Variants in ZFPM2 observed in about 807,000 individuals in gnomAD.
ZFPM2 encodes zinc finger protein ZFPM2.
A neutral mutation model predicts 98.6 loss-of-function variants in ZFPM2; 20 were observed. The ratio of observed to expected loss-of-function variants is 0.20; its 90% confidence interval spans 0.14 to 0.29. The LOEUF (loss-of-function observed/expected upper bound fraction) is 0.29. Among genes scored for constraint, ZFPM2 ranks in the 10% least tolerant of loss-of-function variants. The pLI, the probability that ZFPM2 is intolerant of heterozygous loss-of-function variation, is 1.00. For synonymous variants in ZFPM2, 518 were observed against 502.7 expected, an observed-to-expected ratio of 1.03 and a Z score of -0.41; for missense variants, 1,310 against 1,388.6, an observed-to-expected ratio of 0.94 and a Z score of 0.90.
chr8:105,419,001 A>T, intron 1 of ZFPM2, 143 bp from the exon 2 acceptor site: 1 of 686,852 alleles, frequency 1.5e-6, no homozygotes, highest in Non-Finnish European at 2.4e-6. Context: ...ATGTGGCATT[A>T]TCTTTTGTGA....
chr8:105,555,410 G>A (rs1814963549), intron 3 of ZFPM2, among the ~76,000 whole-genome samples: 1 of 152,044 alleles, frequency 6.6e-6, no homozygotes, highest in African/African-American at 2.4e-5. Context: ...TGAAATGGAT[G>A]CTTGTTGTAA....
rs908430101 is a variant in ZFPM2, at chr8:105,802,985, A to G, written c.2903A>G (p.Tyr968Cys). Residue 968 changes from tyrosine to cysteine, a missense_variant, in exon 8 of 8, where the codon TAC becomes TGC. Transcript: ENST00000407775. Reference protein sequence around the residue: ...NRHLFLPQCLYPGAIKKAKGA... With the variant: ...NRHLFLPQCLCPGAIKKAKGA... ...CATTTGTTTCTTCCACAATGCCTTT[A>G]CCCTGGAGCAATAAAGAAAGCAAAA... 7.4e-6 allele frequency: 12 copies of G among 1,612,702 alleles called. No individual in the cohort carries two copies. The highest frequency in any genetic ancestry group is 9.3e-6 in the Non-Finnish European group (11 of 1,179,372).
intron 6 of ZFPM2, among the ~76,000 whole-genome samples, chr8:105,794,074 C>T (rs191141951): frequency 1.4e-3 from 220 of 152,326 alleles, no homozygotes; most frequent in Admixed American, 3.9e-3. Flanking sequence ...TCTCTCAACT[C>T]GTCGAAGTCC....
chr8:105,377,007 C>T (rs1283184253), intron 1 of ZFPM2, among the ~76,000 whole-genome samples: 1 of 152,180 alleles, frequency 6.6e-6, no homozygotes, highest in Admixed American at 6.5e-5. Flanking sequence ...GTACCATGGT[C>T]CTCTCATCTC....
chr8:105,789,350 T>C (rs1179454965), intron 6 of ZFPM2, among the ~76,000 whole-genome samples: 1 of 152,172 alleles, frequency 6.6e-6, no homozygotes, highest in Non-Finnish European at 1.5e-5. Context: ...GTTTTTGTTC[T>C]TGCGATAGTT....
chr8:105,743,256 T>C (rs1812263052), intron 5 of ZFPM2, among the ~76,000 whole-genome samples: 2 of 151,866 alleles, frequency 1.3e-5, no homozygotes, highest in South Asian at 4.2e-4. Context: ...CTTTGAGTGA[T>C]AGTGGAAAGG....
chr8:105,489,785 G>T (rs1360995346), intron 3 of ZFPM2, among the ~76,000 whole-genome samples: 1 of 151,824 alleles, frequency 6.6e-6, no homozygotes, highest in African/African-American at 2.4e-5. Flanking sequence ...TATTTTAAGA[G>T]TTGTTTTCTC....
chr8:105,782,708 TTTGA>T (rs1477539955), intron 5 of ZFPM2, among the ~76,000 whole-genome samples: 2 of 152,106 alleles, frequency 1.3e-5, no homozygotes, highest in Non-Finnish European at 2.9e-5. Flanking sequence ...TATATCTGAG[TTTGA>T]TTGAATCCAA....
At chr8:105,636,724 T>G (rs1470197453) in intron 5 of ZFPM2, among the ~76,000 whole-genome samples, 1 of 152,168 alleles carries the variant, frequency 6.6e-6, no homozygotes, top group East Asian at 1.9e-4. Flanking sequence ...TGCCAGACAC[T>G]GAAATAGACA....
intron 3 of ZFPM2, among the ~76,000 whole-genome samples, chr8:105,487,421 A>G (rs1813251518): frequency 6.6e-6 from 1 of 152,116 alleles, no homozygotes; most frequent in African/African-American, 2.4e-5. Context: ...ATCCAGCCAC[A>G]ATATGTCATA....
intron 4 of ZFPM2, among the ~76,000 whole-genome samples, chr8:105,587,672 C>T (rs1325696480): frequency 6.6e-6 from 1 of 152,144 alleles, no homozygotes; most frequent in East Asian, 1.9e-4. Context: ...ATAATAATGG[C>T]AGAATTCCAC....
chr8:105,477,511 G>T (rs1813036126), intron 3 of ZFPM2, among the ~76,000 whole-genome samples: 1 of 151,818 alleles, frequency 6.6e-6, no homozygotes, highest in Non-Finnish European at 1.5e-5. Context: ...CCAAAGTGCT[G>T]GGATTACAGG....
At position 105,803,014 on chromosome 8, in the gene ZFPM2, G is replaced by T. The variant is rs764712772; in HGVS notation, c.2932G>T (p.Ala978Ser). ...YPGAIKKAKG[A>S]DQLSPYYGIK... The stretch of plus-strand genomic sequence containing the variant: ...TGGAGCAATAAAGAAAGCAAAAGGA[G>T]CCGACCAGCTTTCTCCATATTATGG... The change falls in exon 8 of 8, where the codon GCC becomes TCC. Residue 978 changes from alanine to serine, a missense_variant. By Grantham distance (99) the Ala-to-Ser change is moderately conservative (BLOSUM62 1). Coordinates refer to ENST00000407775, the MANE Select transcript of ZFPM2 (RefSeq NM_012082.4). 41 of 1,612,892 alleles carry T rather than the reference G, an allele frequency of 2.5e-5. No homozygotes were observed. The highest frequency in any genetic ancestry group is 6.8e-6 in the Non-Finnish European group (8 of 1,179,504).
At chr8:105,341,532 T>C (rs1812431665) in intron 1 of ZFPM2, among the ~76,000 whole-genome samples, 1 of 152,000 alleles carries the variant, frequency 6.6e-6, no homozygotes, top group African/African-American at 2.4e-5. Flanking sequence ...GTTACTGTAA[T>C]GTTAACAATA....
chr8:105,442,588 T>C lies in ZFPM2; in HGVS notation c.200-1692T>C, dbSNP rs572658917. Among the ~76,000 whole-genome samples, 137 of 151,540 alleles carry C rather than the reference T, an allele frequency of 9.0e-4. 1 individual carries two copies. Among genetic ancestry groups the C allele is most frequent in the Non-Finnish European group, 1.5e-3 (99 of 68,020 alleles). On this transcript the variant is annotated intron_variant, in intron 2 of 7. Transcript: ENST00000407775. Reference sequence around the variant, plus strand: ...AGGAAAAATATTTTCAAAAATATTTTAATTTAAGACATGGGATTCAGTGGT... The same window carrying C: ...AGGAAAAATATTTTCAAAAATATTTCAATTTAAGACATGGGATTCAGTGGT...
At chr8:105,746,317 AT>A (rs1812343596) in intron 5 of ZFPM2, among the ~76,000 whole-genome samples, 1 of 151,978 alleles carries the variant, frequency 6.6e-6, no homozygotes, top group Non-Finnish European at 1.5e-5. Context: ...AAAGATAACG[AT>A]TCCCAGTGTC....
At chr8:105,755,155 A>G (rs563753427) in intron 5 of ZFPM2, among the ~76,000 whole-genome samples, 8 of 152,160 alleles carry the variant, frequency 5.3e-5, no homozygotes, top group Non-Finnish European at 1.0e-4. Flanking sequence ...GGAAGTAAAA[A>G]TCATATAAGA....
At chr8:105,556,476 A>C (rs1364361171) in intron 3 of ZFPM2, among the ~76,000 whole-genome samples, 1 of 152,136 alleles carries the variant, frequency 6.6e-6, no homozygotes, top group African/African-American at 2.4e-5. Context: ...TGCAGTTCCC[A>C]CTTTGCATGC....
chr8:105,724,640 A>G (rs1032721477), intron 5 of ZFPM2, among the ~76,000 whole-genome samples: 7 of 151,906 alleles, frequency 4.6e-5, no homozygotes, highest in African/African-American at 1.7e-4. Context: ...CAAAATTATT[A>G]TAATTAACTG....
Sources: allele counts gnomAD v4.1 joint callset (sites outside exome capture counted in the v4.1 genomes callset), GRCh38; gene constraint gnomAD v4.1.1; transcripts MANE v1.5; gene names NCBI Gene and HGNC (gene_info 2026-07-23, HGNC 2026-07-21).